MIPOL1: variants seen among roughly 807,000 people sequenced by gnomAD.
MIPOL1 encodes the protein mirror-image polydactyly gene 1 protein.
In MIPOL1, 57 loss-of-function variants were observed where a neutral mutation model predicts 60.9. That is an observed-to-expected ratio of 0.94 (90% CI 0.76 to 1.17). MIPOL1 has a LOEUF of 1.17. MIPOL1 is among the 50% of genes most tolerant of loss of function. The pLI is 0.00. For missense variants in MIPOL1, 551 were observed against 511.6 expected, an observed-to-expected ratio of 1.08 and a Z score of -0.74; for synonymous variants, 179 against 168.8, an observed-to-expected ratio of 1.06 and a Z score of -0.47.
chr14:37,321,908 G>T (rs1427231424), intron 9 of MIPOL1, among the ~76,000 whole-genome samples: 2 of 151,774 alleles, frequency 1.3e-5, no homozygotes, highest in African/African-American at 4.8e-5. Context: ...TCCAAGTTCA[G>T]ACTTGACCCC....
chr14:37,324,524 A>G (rs1044047688), intron 9 of MIPOL1, among the ~76,000 whole-genome samples: 2 of 151,952 alleles, frequency 1.3e-5, no homozygotes, highest in African/African-American at 2.4e-5. Flanking sequence ...TTGCTTGCGT[A>G]TTTATTTTCT....
intron 1 of MIPOL1, among the ~76,000 whole-genome samples, chr14:37,203,329 G>A (rs892818061): frequency 1.3e-5 from 2 of 152,162 alleles, no homozygotes; most frequent in African/African-American, 2.4e-5. Flanking sequence ...TTTTGATGAA[G>A]TATCTCTAAT....
At chr14:37,431,084 C>T (rs1464560351) in intron 11 of MIPOL1, among the ~76,000 whole-genome samples, 3 of 152,122 alleles carry the variant, frequency 2.0e-5, no homozygotes, top group Non-Finnish European at 4.4e-5. Flanking sequence ...TTAGAATGGG[C>T]TTGCTAATTA....
At chr14:37,360,024 C>G (rs2092129622) in intron 9 of MIPOL1, among the ~76,000 whole-genome samples, 1 of 152,104 alleles carries the variant, frequency 6.6e-6, no homozygotes, top group African/African-American at 2.4e-5. Context: ...GAGTTTTTAG[C>G]ATGAAGGGCT....
chr14:37,250,273 T>TG (rs1317815376), intron 3 of MIPOL1, among the ~76,000 whole-genome samples: 6 of 152,114 alleles, frequency 3.9e-5, no homozygotes, highest in Admixed American at 3.9e-4. Flanking sequence ...AAAGGTCAGA[T>TG]GCGGTGGCTT....
At chr14:37,431,490 C>T (rs2153559060) in intron 11 of MIPOL1, among the ~76,000 whole-genome samples, 1 of 150,602 alleles carries the variant, frequency 6.6e-6, no homozygotes, top group South Asian at 2.1e-4. Flanking sequence ...TTAACAATAC[C>T]ACATTACATA....
chr14:37,268,597 A>G (rs991501378), intron 4 of MIPOL1, 61 bp from the exon 5 acceptor site: 39 of 1,336,476 alleles, frequency 2.9e-5, no homozygotes, highest in Middle Eastern at 4.9e-4. Flanking sequence ...CAAGTAGCAT[A>G]CAAAATGTCA....
intron 12 of MIPOL1, among the ~76,000 whole-genome samples, chr14:37,530,000 A>G (rs985043514): frequency 4.6e-5 from 7 of 152,244 alleles, no homozygotes; most frequent in Admixed American, 1.3e-4. Context: ...TCTCTCACTT[A>G]GCATTGGAAG....
intron 1 of MIPOL1, chr14:37,240,543 C>T (rs970037794): frequency 1.3e-5 from 2 of 152,134 alleles, no homozygotes; most frequent in African/African-American, 4.8e-5. Flanking sequence ...AGAAAACAGG[C>T]TATTTGTTCC....
At chr14:37,277,189 A>G (rs2083729071) in intron 6 of MIPOL1, 1 of 151,284 alleles carries the variant, frequency 6.6e-6, no homozygotes, top group Non-Finnish European at 1.5e-5. Flanking sequence ...TTAAAACATA[A>G]AAATAACAAA....
rs150444085 is a variant in MIPOL1 at position 37,279,667 on chromosome 14, T to C, written c.494-5651T>C. Among the ~76,000 whole-genome samples the C allele has an allele frequency of 4.6e-3, 694 of 152,178 alleles. 4 individuals carry two copies. Among genetic ancestry groups the C allele is most frequent in the Non-Finnish European group, 7.2e-3 (492 of 67,964 alleles). On this transcript the variant is annotated intron_variant, in intron 6 of 12. Coordinates refer to ENST00000684589, the MANE Select transcript of MIPOL1 (RefSeq NM_001388067.1). ...ATAATCGTATATATTATTCCCTTAATTGATGTATGATTTGCAAATTTATGA... is the reference window on the plus strand; with the variant it reads ...ATAATCGTATATATTATTCCCTTAACTGATGTATGATTTGCAAATTTATGA...
chr14:37,471,449 T>C (rs2094687817), intron 11 of MIPOL1, among the ~76,000 whole-genome samples: 1 of 152,178 alleles, frequency 6.6e-6, no homozygotes, highest in South Asian at 2.1e-4. Flanking sequence ...AAAGCTATCC[T>C]ACTCAGAGGA....
In MIPOL1 at chr14:37,229,938, T is replaced by C. The variant is rs139005478; in HGVS notation, c.-198-17165T>C. On this transcript the variant is annotated intron_variant, in intron 1 of 12. Transcript: ENST00000684589. ...TTGGGGATGGGAGTGATTGGGGAGA[T>C]GTTGGTCAAAGGAGACAAAATTTCG... Among the ~76,000 whole-genome samples, 448 of 152,134 alleles carry C rather than the reference T, an allele frequency of 2.9e-3. 1 individual carries two copies. The highest frequency in any genetic ancestry group is 0.01 in the African/African-American group (429 of 41,496).
chr14:37,346,094 C>T (rs943394834), intron 9 of MIPOL1, among the ~76,000 whole-genome samples: 3 of 152,148 alleles, frequency 2.0e-5, no homozygotes, highest in African/African-American at 7.2e-5. Flanking sequence ...CTTTGGGAGG[C>T]TGAGGCAGAC....
At chr14:37,440,384 C>T (rs2094222931) in intron 11 of MIPOL1, among the ~76,000 whole-genome samples, 1 of 152,102 alleles carries the variant, frequency 6.6e-6, no homozygotes, top group Non-Finnish European at 1.5e-5. Context: ...GAATAATGTA[C>T]ATTGTAGCCA....
chr14:37,296,019 C>A (rs889459594), intron 7 of MIPOL1, among the ~76,000 whole-genome samples: 2 of 152,058 alleles, frequency 1.3e-5, no homozygotes, highest in Non-Finnish European at 2.9e-5. Flanking sequence ...CAGCACCACA[C>A]CACACCTATT....
At chr14:37,255,016 A>AT (rs1683681809) in intron 3 of MIPOL1, among the ~76,000 whole-genome samples, 1 of 151,758 alleles carries the variant, frequency 6.6e-6, no homozygotes, top group Non-Finnish European at 1.5e-5. Flanking sequence ...CAATGACTTG[A>AT]TTTTGTCAAA....
chr14:37,343,973 A>G (rs888415368), intron 9 of MIPOL1, among the ~76,000 whole-genome samples: 44 of 152,246 alleles, frequency 2.9e-4, no homozygotes, highest in African/African-American at 8.9e-4. Context: ...TTTAAAATAT[A>G]TGTCTCCCAT....
At chr14:37,257,937 C>T (rs1035484106) in intron 3 of MIPOL1, among the ~76,000 whole-genome samples, 2 of 152,216 alleles carry the variant, frequency 1.3e-5, no homozygotes, top group African/African-American at 4.8e-5. Flanking sequence ...GGTGGACCTC[C>T]CTGATCTTCT....
Sources: allele counts gnomAD v4.1 joint callset (sites outside exome capture counted in the v4.1 genomes callset), GRCh38; gene constraint gnomAD v4.1.1; transcripts MANE v1.5; gene names NCBI Gene and HGNC (gene_info 2026-07-23, HGNC 2026-07-21).